Variants in TEX11 observed in about 807,000 individuals in gnomAD.
TEX11 encodes the protein testis expressed 11.
In TEX11, 7 loss-of-function variants were observed where a neutral mutation model predicts 84.4. The ratio of observed to expected loss-of-function variants is 0.08; its 90% CI spans 0.05 to 0.16. The LOEUF is 0.16. Ranked by LOEUF, TEX11 falls within the 10% of genes least tolerant of loss-of-function variation. TEX11 has a pLI of 1.00. For missense variants in TEX11, 551 were observed against 660.5 expected (o/e 0.83, Z 1.82); for synonymous variants, 264 against 222.8 (o/e 1.18, Z -1.64).
chrX:70,641,359 C>G (rs1348465037), intron 17 of TEX11, among the ~76,000 whole-genome samples: 2 of 110,842 alleles, frequency 1.8e-5, no homozygotes, highest in South Asian at 7.9e-4. Context: ...GACAGATCAA[C>G]GAGACAGAAA....
intron 7 of TEX11, among the ~76,000 whole-genome samples, chrX:70,838,753 G>C (rs767394251): frequency 5.3e-5 from 6 of 112,478 alleles, no homozygotes; most frequent in Non-Finnish European, 1.1e-4. Context: ...AGCAGTGACA[G>C]ATGGCACCTG....
chrX:70,907,889 C>A, intron 1 of TEX11, 79 bp from the exon 2 acceptor site: 1 of 651,726 alleles, frequency 1.5e-6, no homozygotes, highest in Non-Finnish European at 2.4e-6. Flanking sequence ...GAAATGTTTC[C>A]CGTTACTTGT....
intron 17 of TEX11, among the ~76,000 whole-genome samples, chrX:70,637,763 G>A (rs908445264): frequency 9.0e-6 from 1 of 110,587 alleles, no homozygotes; most frequent in African/African-American, 3.3e-5. Context: ...GCTTGCTGGA[G>A]GGTGGGGGCT....
intron 25 of TEX11, among the ~76,000 whole-genome samples, chrX:70,563,591 T>A (rs1308291800): frequency 1.8e-5 from 2 of 111,999 alleles, no homozygotes; most frequent in Non-Finnish European, 3.8e-5. Flanking sequence ...TATATCCATG[T>A]TTCATTCCCT....
In TEX11 at chrX:70,873,115, C is replaced by T; in HGVS notation, c.244+108G>A. 3 of 467,534 alleles carry T rather than the reference C, an allele frequency of 6.4e-6. No individual in the cohort carries two copies. In the South Asian group the frequency reaches 1.6e-4, roughly 25 times the overall value. The allele number at this position is 467,534 out of a possible 1,213,427, so 38.5% of individuals were successfully genotyped here. A position where few individuals can be genotyped will look rare whatever the true frequency, so the allele number is the denominator to read the frequency against. On this transcript the variant is annotated intron_variant, in intron 4 of 29. Coordinates refer to ENST00000374333, the MANE Select transcript of TEX11 (RefSeq NM_031276.3). ...CTGGGTTGTTTTGTTTGTCTTTTAA[C>T]AAATCTCTATCTAAGAATGGGTCAA... is the stretch of plus-strand genomic sequence containing the variant.
intron 17 of TEX11, among the ~76,000 whole-genome samples, chrX:70,646,085 G>A (rs1238943732): frequency 9.0e-6 from 1 of 111,624 alleles, no homozygotes; most frequent in East Asian, 2.8e-4. Context: ...ATAGGCCAAT[G>A]GAAGGAAATA....
intron 17 of TEX11, among the ~76,000 whole-genome samples, chrX:70,637,655 G>A (rs1217233171): frequency 2.7e-5 from 3 of 111,509 alleles, no homozygotes; most frequent in African/African-American, 9.8e-5. Context: ...GCAAACTAAT[G>A]CAGGAACAGA....
chrX:70,518,248 T>C, the TEX11 span, among the ~76,000 whole-genome samples: 23 of 112,029 alleles, frequency 2.1e-4, no homozygotes, highest in Non-Finnish European at 3.6e-4. Context: ...CTGCTTTCTC[T>C]TGTGGGCAAT....
chrX:70,838,282 G>C (rs747010216), intron 7 of TEX11, among the ~76,000 whole-genome samples: 2 of 110,713 alleles, frequency 1.8e-5, no homozygotes, highest in African/African-American at 3.3e-5. Flanking sequence ...AGCCTAGCAT[G>C]GTGGCGGCTG....
At chrX:70,684,570 T>C (rs1603219313) in intron 13 of TEX11, among the ~76,000 whole-genome samples, 1 of 112,038 alleles carries the variant, frequency 8.9e-6, no homozygotes, top group African/African-American at 3.2e-5. Context: ...TGAGTGAGAC[T>C]CCATCTCAAA....
intron 28 of TEX11, among the ~76,000 whole-genome samples, chrX:70,531,804 T>C (rs1401615159): frequency 8.9e-6 from 1 of 111,971 alleles, no homozygotes; most frequent in African/African-American, 3.2e-5. Context: ...TTATGATATA[T>C]GAACTAAATC....
At chrX:70,723,218 T>G (rs1221501161) in intron 12 of TEX11, among the ~76,000 whole-genome samples, 1 of 111,717 alleles carries the variant, frequency 9.0e-6, no homozygotes, top group African/African-American at 3.2e-5. Context: ...TAAGAAATTG[T>G]GCTTCTGAAA....
At chrX:70,626,962 T>C (rs1394700947) in intron 18 of TEX11, among the ~76,000 whole-genome samples, 1 of 111,644 alleles carries the variant, frequency 9.0e-6, no homozygotes, top group African/African-American at 3.3e-5. Flanking sequence ...ACTCATGAGG[T>C]AGGATAAAAA....
At chrX:70,580,704 T>A (rs1281530331) in intron 25 of TEX11, among the ~76,000 whole-genome samples, 1 of 112,495 alleles carries the variant, frequency 8.9e-6, no homozygotes, top group Non-Finnish European at 1.9e-5. Context: ...GGTCTGTTTT[T>A]CCTAAATGTA....
chrX:70,813,394 A>G (rs963535960), intron 8 of TEX11, among the ~76,000 whole-genome samples: 19 of 111,880 alleles, frequency 1.7e-4, no homozygotes, highest in Admixed American at 1.2e-3. Flanking sequence ...GACAAAATTC[A>G]ACAGCCCTTC....
chrX:70,799,498 C>T (rs757037850), intron 9 of TEX11, among the ~76,000 whole-genome samples: 3 of 112,102 alleles, frequency 2.7e-5, no homozygotes, highest in Non-Finnish European at 3.8e-5. Flanking sequence ...AATAAGCAGA[C>T]ATTATCATTC....
At chrX:70,803,433 G>A (rs941519785) in intron 9 of TEX11, among the ~76,000 whole-genome samples, 2 of 111,378 alleles carry the variant, frequency 1.8e-5, no homozygotes, top group African/African-American at 3.3e-5. Flanking sequence ...AAAAGAAAAG[G>A]CAGGAGGGTG....
rs187248818 is a variant in TEX11, at chrX:70,809,302, C to A, written c.607-2512G>T. On this transcript the variant is annotated intron_variant, in intron 8 of 29. Transcript: ENST00000374333. ...ATAATTAACTCCAGGGAAAAACAAA[C>A]TTTTGTGCAAGAAAAGAAAAGAAAA... 4.0e-3 allele frequency among the ~76,000 whole-genome samples: 447 copies of A among 111,760 alleles called. 4 individuals carry two copies. Among genetic ancestry groups the A allele is most frequent in the South Asian group, 0.012 (31 of 2,689 alleles).
chrX:70,749,137 A>T (rs1432445303), intron 9 of TEX11, among the ~76,000 whole-genome samples: 6 of 106,629 alleles, frequency 5.6e-5, no homozygotes, highest in African/African-American at 2.1e-4. Context: ...GGTCCTTCAC[A>T]TCCCTTGTAA....
Sources: gnomAD v4.1 joint callset for allele counts (sites outside exome capture counted in the v4.1 genomes callset) on GRCh38, gnomAD v4.1.1 for gene constraint, MANE v1.5 for transcripts, NCBI Gene and HGNC (gene_info 2026-07-23, HGNC 2026-07-21) for gene names.